CEP192: variants seen among roughly 807,000 people sequenced by gnomAD.
CEP192 encodes the protein centrosomal protein 192.
In CEP192, 151 loss-of-function variants were observed where a neutral mutation model predicts 271.8. The observed-to-expected ratio is 0.56, with a 90% confidence interval of 0.49 to 0.64. CEP192 has a LOEUF of 0.64. Among genes scored for constraint, CEP192 ranks in the 30% least tolerant of loss-of-function variants. CEP192 has a pLI of 0.00. For synonymous variants in CEP192, 995 were observed against 1,076.5 expected (o/e 0.92, Z 1.48); for missense variants, 2,910 against 3,020.5 (o/e 0.96, Z 0.86).
intron 15 of CEP192, among the ~76,000 whole-genome samples, chr18:13,046,154 T>G (rs2036467012): frequency 6.6e-6 from 1 of 152,144 alleles, no homozygotes. Flanking sequence ...CTTGCAATCA[T>G]GGCAGAAGGC....
intron 44 of CEP192, among the ~76,000 whole-genome samples, chr18:13,120,036 T>C (rs1296531996): frequency 2.6e-5 from 4 of 152,254 alleles, no homozygotes; most frequent in African/African-American, 4.8e-5. Flanking sequence ...AAATTCTTTT[T>C]TGATGTTATA....
At chr18:13,072,696 TATA>T (rs1598514449) in intron 28 of CEP192, 56 bp from the exon 29 acceptor site, 2 of 1,183,380 alleles carry the variant, frequency 1.7e-6, no homozygotes, top group East Asian at 4.7e-5. Context: ...GCTTTATTCT[TATA>T]ATGGTAGCAA....
chr18:12,993,252 G>A (rs1214739424), intron 1 of CEP192, among the ~76,000 whole-genome samples: 1 of 152,130 alleles, frequency 6.6e-6, no homozygotes, highest in East Asian at 1.9e-4. Context: ...AGATAACGGC[G>A]GGAATGAATG....
chr18:13,092,979 C>A (rs2144760826), intron 34 of CEP192, among the ~76,000 whole-genome samples: 2 of 152,134 alleles, frequency 1.3e-5, no homozygotes, highest in South Asian at 4.2e-4. Context: ...ACAGTGAAAC[C>A]CCGTCTCTAC....
At position 13,057,637 on chromosome 18, in the gene CEP192, G is replaced by A. The variant is rs777615189; in HGVS notation, c.4161G>A (p.Gly1387=). 6.2e-7 allele frequency: 1 copy of A among 1,614,158 alleles called. No individual in the cohort carries two copies. Among genetic ancestry groups the A allele is most frequent in the African/African-American group, 1.3e-5 (1 of 75,030 alleles). ...AGCTTCCTCATGCTTGCTGTGTCGG[G>A]ATCGCTTCCCAGACCCTCCTCAGTG... ...ELKLPHACCV[G]IASQTLLSVL... Residue 1387 remains glycine, a synonymous_variant, in exon 20 of 45, where the codon GGG becomes GGA. Coordinates refer to ENST00000506447, the MANE Select transcript of CEP192 (RefSeq NM_032142.4).
intron 30 of CEP192, among the ~76,000 whole-genome samples, chr18:13,082,119 G>A (rs576915103): frequency 6.6e-6 from 1 of 152,276 alleles, no homozygotes; most frequent in African/African-American, 2.4e-5. Context: ...TGTCTATTAG[G>A]TCCTCTTGGT....
chr18:13,015,335 T>C lies in CEP192; in HGVS notation c.527T>C (p.Val176Ala). Residue 176 changes from valine (V) to alanine (A), a missense_variant, in exon 6 of 45, where the codon GTG (valine) becomes GCG (alanine). Transcript: ENST00000506447. The stretch of plus-strand genomic sequence containing the variant: ...CCATTTTGTTTCTTATAGATTGTTG[T>C]GCTTGATGCTGGAAAACATTTTGAA... ...WMNNKEPKIV[V>A]LDAGKHFEDK... 1 of 1,550,922 alleles carries C rather than the reference T, an allele frequency of 6.4e-7. No homozygotes were observed. Among genetic ancestry groups the C allele is most frequent in the Non-Finnish European group, 8.7e-7 (1 of 1,146,748 alleles).
At chr18:13,108,188 A>G (rs534864548) in intron 40 of CEP192, among the ~76,000 whole-genome samples, 3 of 152,360 alleles carry the variant, frequency 2.0e-5, no homozygotes, top group South Asian at 4.1e-4. Context: ...ACCTCAAACT[A>G]TAAGAATCCT....
chr18:13,059,953 C>T (rs1396773870), intron 21 of CEP192, among the ~76,000 whole-genome samples: 1 of 152,108 alleles, frequency 6.6e-6, no homozygotes, highest in Non-Finnish European at 1.5e-5. Context: ...GAGCTATCTC[C>T]TCTTAGTTGA....
intron 17 of CEP192, among the ~76,000 whole-genome samples, chr18:13,050,995 A>T (rs1198959877): frequency 6.6e-6 from 1 of 152,026 alleles, no homozygotes; most frequent in African/African-American, 2.4e-5. Flanking sequence ...TTTTTCCCTT[A>T]TGTTTCTTAT....
At chr18:12,998,727 TC>T (rs1409043588) in intron 1 of CEP192, among the ~76,000 whole-genome samples, 1 of 152,158 alleles carries the variant, frequency 6.6e-6, no homozygotes, top group Non-Finnish European at 1.5e-5. Context: ...TGCCATTATT[TC>T]CTTTACTGAT....
At chr18:13,052,221 T>C (rs1306660728) in intron 17 of CEP192, among the ~76,000 whole-genome samples, 2 of 152,208 alleles carry the variant, frequency 1.3e-5, no homozygotes, top group Non-Finnish European at 2.9e-5. Flanking sequence ...TCCTGATCTT[T>C]TCATTTTACG....
chr18:13,119,552 G>A (rs1046771078), intron 44 of CEP192, among the ~76,000 whole-genome samples: 1 of 152,078 alleles, frequency 6.6e-6, no homozygotes, highest in Non-Finnish European at 1.5e-5. Flanking sequence ...GACCAGCCTG[G>A]CCAACATTAT....
intron 21 of CEP192, among the ~76,000 whole-genome samples, chr18:13,063,526 T>C (rs1262948647): frequency 6.6e-6 from 1 of 152,206 alleles, no homozygotes; most frequent in Non-Finnish European, 1.5e-5. Context: ...CTTTGAGAAA[T>C]GTCTATTCAA....
chr18:13,053,246 C>T (rs2036899638), intron 18 of CEP192, among the ~76,000 whole-genome samples, 156 bp downstream of exon 18: 1 of 152,118 alleles, frequency 6.6e-6, no homozygotes, highest in South Asian at 2.1e-4. Flanking sequence ...TATTAAATAC[C>T]TACTCATGCT....
rs2036865486 is a variant in CEP192 at position 13,052,799 on chromosome 18, A to G, written c.3018-120A>G. ...TTTACAATTTTAGATAATTAAGTGT[A>G]AACATTGAATTTGTGGTTGAGTCAT... On this transcript the variant is annotated intron_variant, in intron 17 of 44. Coordinates refer to ENST00000506447, the MANE Select transcript of CEP192 (RefSeq NM_032142.4). The G allele has an allele frequency of 2.9e-5, 19 of 655,102 alleles. No homozygotes were observed. The South Asian group carries it at 6.5e-4, about 22-fold the overall frequency. The allele number at this position is 655,102 out of a possible 1,614,324, so 40.6% of individuals were successfully genotyped here. A position where few individuals can be genotyped will look rare whatever the true frequency, so the allele number is the denominator to read the frequency against.
chr18:13,106,027 A>G (rs2039930977), intron 40 of CEP192, among the ~76,000 whole-genome samples: 1 of 152,200 alleles, frequency 6.6e-6, no homozygotes. Flanking sequence ...TCAAACTGCC[A>G]ACGTCATTTT....
intron 14 of CEP192, 68 bp from the exon 15 acceptor site, chr18:13,042,136 C>T: frequency 1.5e-6 from 2 of 1,362,002 alleles, no homozygotes; most frequent in Non-Finnish European, 2.0e-6. Flanking sequence ...TTGCCTGGTC[C>T]TTATTCCACA....
rs33997079 is a variant in CEP192, at chr18:13,034,820, T to TAA, written c.1535-2400_1535-2399dup. On this transcript the variant is annotated intron_variant, in intron 11 of 44. Coordinates refer to ENST00000506447, the MANE Select transcript of CEP192 (RefSeq NM_032142.4). ...GGCGACAGAGCAAAACTCTGTCTCA[T>TAA]AAAAAAAAAAAAAAAAAAGCCTGCC... 1.2e-3 allele frequency among the ~76,000 whole-genome samples: 122 copies of TAA among 104,488 alleles called. 3 individuals are homozygous for TAA. The highest frequency in any genetic ancestry group is 5.0e-3 in the Middle Eastern group (1 of 200). The allele number at this position is 104,488 out of a possible 152,430, so 68.5% of individuals were successfully genotyped here.
Sources: gnomAD v4.1 joint callset for allele counts (sites outside exome capture counted in the v4.1 genomes callset) on GRCh38, gnomAD v4.1.1 for gene constraint, MANE v1.5 for transcripts, NCBI Gene and HGNC (gene_info 2026-07-23, HGNC 2026-07-21) for gene names.